The following PLS1 variants were observed in gnomAD, a reference collection of about 807,000 sequenced individuals.
The protein encoded by PLS1 is plastin-1.
Under a neutral mutation model 73.7 loss-of-function variants are expected in PLS1, and 32 were observed. The observed-to-expected ratio is 0.43, with a 90% CI of 0.33 to 0.58. The LOEUF (loss-of-function observed/expected upper bound fraction) is 0.58, where lower values mean the gene tolerates loss of function less well. PLS1 is among the 20% of genes least tolerant of loss of function. The probability of loss-of-function intolerance (pLI) is 0.04; values close to 1 mark genes in which losing one functional copy is unlikely to be tolerated. For missense variants in PLS1, 633 were observed against 740.5 expected (o/e 0.85, Z 1.68); for synonymous variants, 217 against 261.3 (o/e 0.83, Z 1.63).
intron 1 of PLS1, among the ~76,000 whole-genome samples, chr3:142,599,720 A>T (rs906167357): frequency 1.3e-5 from 2 of 151,658 alleles, no homozygotes; most frequent in Non-Finnish European, 2.9e-5. Flanking sequence ...ATTAACTATT[A>T]CTTTTTGAGG....
chr3:142,679,118 T>C (rs1319810624), intron 6 of PLS1, among the ~76,000 whole-genome samples: 2 of 151,454 alleles, frequency 1.3e-5, no homozygotes, highest in Non-Finnish European at 2.9e-5. Flanking sequence ...TTTGATGGGG[T>C]TGTTTGTTTT....
chr3:142,665,799 A>G (rs1296524591), intron 2 of PLS1, among the ~76,000 whole-genome samples: 2 of 122,656 alleles, frequency 1.6e-5, no homozygotes, highest in Non-Finnish European at 3.7e-5. Flanking sequence ...CACTGATGGA[A>G]CAATTTTTTT....
At chr3:142,660,605 T>C (rs1178044980) in intron 1 of PLS1, among the ~76,000 whole-genome samples, 1 of 152,230 alleles carries the variant, frequency 6.6e-6, no homozygotes, top group East Asian at 1.9e-4. Flanking sequence ...GCTGACTGTG[T>C]GTAACTTCCA....
At chr3:142,665,852 T>C (rs1232655103) in intron 2 of PLS1, among the ~76,000 whole-genome samples, 3 of 151,984 alleles carry the variant, frequency 2.0e-5, no homozygotes, top group Admixed American at 1.3e-4. Flanking sequence ...TTTCAATAGA[T>C]TGTAGTGAGG....
intron 6 of PLS1, among the ~76,000 whole-genome samples, chr3:142,679,790 G>C (rs529202444): frequency 6.6e-6 from 1 of 152,242 alleles, no homozygotes; most frequent in East Asian, 1.9e-4. Context: ...CTTTAAAGTA[G>C]TTTTTTCCAA....
chr3:142,665,271 G>A (rs1384696050), intron 2 of PLS1, among the ~76,000 whole-genome samples: 20 of 108,498 alleles, frequency 1.8e-4, no homozygotes, highest in Non-Finnish European at 3.2e-4. Flanking sequence ...AAAGAAAAAC[G>A]ATATGTTTAA....
In PLS1 at chr3:142,638,899, G is replaced by A. The variant is rs1399696804; in HGVS notation, c.-36-25303G>A. On this transcript the variant is annotated intron_variant, in intron 1 of 15. Transcript: ENST00000457734. ...TGGGATTATAGGCATCCACCGCCAC[G>A]CCTGGCTAATTTTGTATTTTTAGTA... Among the ~76,000 whole-genome samples the A allele has an allele frequency of 5.3e-5, 8 of 151,960 alleles. No homozygotes were observed. In the East Asian group the frequency reaches 1.2e-3, roughly 22 times the overall value.
chr3:142,656,631 GA>G (rs2037243323), intron 1 of PLS1: 1 of 152,154 alleles, frequency 6.6e-6, no homozygotes, highest in Non-Finnish European at 1.5e-5. Flanking sequence ...ACATATAGAT[GA>G]AAATATTTTC....
At chr3:142,694,332 C>T (rs1210053692) in intron 10 of PLS1, 137 bp from the exon 11 acceptor site, 2 of 473,322 alleles carry the variant, frequency 4.2e-6, no homozygotes, top group African/African-American at 2.0e-5. Context: ...CTTTTTTTCT[C>T]CCTTTAAAGA....
intron 4 of PLS1, among the ~76,000 whole-genome samples, chr3:142,674,377 G>C (rs558732032): frequency 1.3e-5 from 2 of 152,210 alleles, no homozygotes; most frequent in South Asian, 4.1e-4. Context: ...TGTATGTGTG[G>C]TGGATTAAAT....
chr3:142,689,964 T>C (rs1018479002), intron 10 of PLS1, 151 bp downstream of exon 10: 4 of 458,148 alleles, frequency 8.7e-6, no homozygotes, highest in Non-Finnish European at 1.5e-5. Flanking sequence ...TTATGGAAGG[T>C]GGTTGCTGGT....
At chr3:142,684,903 G>A (rs1398277895) in intron 8 of PLS1, among the ~76,000 whole-genome samples, 2 of 152,130 alleles carry the variant, frequency 1.3e-5, no homozygotes, top group Non-Finnish European at 2.9e-5. Context: ...TCTTGTCAAG[G>A]AAACTATAAC....
intron 1 of PLS1, among the ~76,000 whole-genome samples, chr3:142,653,664 C>T (rs1011340643): frequency 6.6e-6 from 1 of 151,932 alleles, no homozygotes; most frequent in Non-Finnish European, 1.5e-5. Context: ...ATGCCTGGCC[C>T]TAGCTCAGAA....
intron 5 of PLS1, 145 bp from the exon 6 acceptor site, chr3:142,677,887 A>G (rs1263568305): frequency 4.7e-6 from 2 of 428,202 alleles, no homozygotes; most frequent in Non-Finnish European, 8.2e-6. Flanking sequence ...GATTATATGC[A>G]TGTGCCACCA....
At chr3:142,708,087 T>C (rs1932936152) in intron 14 of PLS1, among the ~76,000 whole-genome samples, 1 of 152,096 alleles carries the variant, frequency 6.6e-6, no homozygotes, top group South Asian at 2.1e-4. Flanking sequence ...AGCTTAACAG[T>C]ACCTAGCACA....
At chr3:142,673,965 G>C (rs2037666206) in intron 4 of PLS1, 1 of 152,126 alleles carries the variant, frequency 6.6e-6, no homozygotes, top group Non-Finnish European at 1.5e-5. Context: ...TTGTGATGTG[G>C]TATCTCATTC....
intron 1 of PLS1, among the ~76,000 whole-genome samples, chr3:142,650,220 T>C (rs1001518656): frequency 0.013 from 1,766 of 134,502 alleles, 21 homozygotes; most frequent in African/African-American, 0.047. Flanking sequence ...TCTTTTTTTT[T>C]TTTTTTTTTT....
At chr3:142,663,045 A>G (rs2037405583) in intron 1 of PLS1, among the ~76,000 whole-genome samples, 1 of 152,048 alleles carries the variant, frequency 6.6e-6, no homozygotes. Flanking sequence ...CCACGTCTCT[A>G]CTAAAAATAC....
At position 142,669,540 on chromosome 3, in the gene PLS1, AAG is replaced by A. The variant is rs2037560185; in HGVS notation, c.224_225del (p.Glu75ValfsTer22). On this transcript the variant is annotated frameshift_variant, in exon 3 of 16. Coordinates refer to ENST00000457734, the MANE Select transcript of PLS1 (RefSeq NM_001145319.2). LOFTEE classifies it high-confidence loss of function. ...AACAAAGATGGCAAAATCAGTTTTGAAGAGTTTGTGTCAGTAAGTAATCTAAT... is the reference window on the plus strand; with the variant it reads ...AACAAAGATGGCAAAATCAGTTTTGAAGTTTGTGTCAGTAAGTAATCTAAT... The A allele has an allele frequency of 1.2e-6, 2 of 1,612,626 alleles. No individual in the cohort carries two copies. Among genetic ancestry groups the A allele is most frequent in the Non-Finnish European group, 1.7e-6 (2 of 1,179,054 alleles).
Sources: allele counts gnomAD v4.1 joint callset (sites outside exome capture counted in the v4.1 genomes callset), GRCh38; gene constraint gnomAD v4.1.1; transcripts MANE v1.5; gene names NCBI Gene and HGNC (gene_info 2026-07-23, HGNC 2026-07-21).